Variants in TRAPPC10 observed in about 807,000 individuals in gnomAD.
TRAPPC10 encodes the protein TRAPP 130 kDa subunit.
Under a neutral mutation model 125.5 loss-of-function variants are expected in TRAPPC10, and 23 were observed. The observed-to-expected ratio is 0.18, with a 90% CI of 0.13 to 0.26. TRAPPC10 has a LOEUF of 0.26. TRAPPC10 is among the 10% of genes least tolerant of loss of function. TRAPPC10 has a pLI of 1.00. For missense variants in TRAPPC10, 1,123 were observed against 1,308.4 expected (o/e 0.86, Z 2.19); for synonymous variants, 509 against 518.0 (o/e 0.98, Z 0.24).
intron 7 of TRAPPC10, among the ~76,000 whole-genome samples, chr21:44,065,517 C>G (rs767606597): frequency 1.3e-5 from 2 of 152,186 alleles, no homozygotes; most frequent in Non-Finnish European, 2.9e-5. Context: ...TTCTGCATCT[C>G]CAGTGAGAGG....
intron 2 of TRAPPC10, among the ~76,000 whole-genome samples, chr21:44,033,003 C>G (rs949032512): frequency 1.3e-5 from 2 of 152,232 alleles, no homozygotes; most frequent in Non-Finnish European, 1.5e-5. Context: ...TGCTCTGTTG[C>G]ATGTTTACAG....
intron 3 of TRAPPC10, among the ~76,000 whole-genome samples, chr21:44,049,552 C>G (rs997249012): frequency 2.0e-5 from 3 of 152,184 alleles, no homozygotes; most frequent in Non-Finnish European, 2.9e-5. Flanking sequence ...TGGGGGATGC[C>G]CTTTGTGCCC....
chr21:44,085,571 C>T (rs1047594697), intron 15 of TRAPPC10, among the ~76,000 whole-genome samples: 1 of 152,058 alleles, frequency 6.6e-6, no homozygotes, highest in Non-Finnish European at 1.5e-5. Flanking sequence ...GCGCCACGGC[C>T]TCTAGTCCTA....
chr21:44,074,497 C>T, intron 8 of TRAPPC10, 27 bp downstream of exon 8: 2 of 1,613,450 alleles, frequency 1.2e-6, no homozygotes, highest in Non-Finnish European at 1.7e-6. Context: ...GTGTGGAATG[C>T]TCACGTTGTC....
At chr21:44,023,871 C>G (rs541638019) in intron 1 of TRAPPC10, among the ~76,000 whole-genome samples, 1 of 152,320 alleles carries the variant, frequency 6.6e-6, no homozygotes, top group East Asian at 1.9e-4. Flanking sequence ...CTCTGCCTCT[C>G]AGGTTCAAGA....
In TRAPPC10 at chr21:44,082,711, C is replaced by T; in HGVS notation, c.1724-77C>T. 3 of 1,527,534 alleles carry T rather than the reference C, an allele frequency of 2.0e-6. No homozygotes were observed. Among genetic ancestry groups the T allele is most frequent in the Admixed American group, 1.7e-5 (1 of 58,662 alleles). The allele number at this position is 1,527,534 out of a possible 1,614,324, so 94.6% of individuals were successfully genotyped here. A position where few individuals can be genotyped will look rare whatever the true frequency, so the allele number is the denominator to read the frequency against. ...CTTCAGTCTGCTCTCGGTGATCTTACTGTGTCCGCGGCCTGCTGCTGCTTA... is the reference window on the plus strand; with the variant it reads ...CTTCAGTCTGCTCTCGGTGATCTTATTGTGTCCGCGGCCTGCTGCTGCTTA... On this transcript the variant is annotated intron_variant, in intron 13 of 22. Coordinates refer to ENST00000291574, the MANE Select transcript of TRAPPC10 (RefSeq NM_003274.5). This position sits in a 1 kb window ranked among gnomAD's most constrained non-coding sequence, Gnocchi z 4.4.
rs1000244480 is a variant in TRAPPC10, at chr21:44,012,375, G to C, written c.-119G>C. On this transcript the variant is annotated 5_prime_UTR_variant, in exon 1 of 23. Coordinates refer to ENST00000291574, the MANE Select transcript of TRAPPC10 (RefSeq NM_003274.5). ...GGCAGCTGCGGCGCAACCGGCTCCG[G>C]AGCTGCCTGGCGCGGCCGGGCGGGC... 2 of 462,224 alleles carry C rather than the reference G, an allele frequency of 4.3e-6. No individual in the cohort carries two copies. Among genetic ancestry groups the C allele is most frequent in the South Asian group, 9.0e-5 (1 of 11,138 alleles). The allele number at this position is 462,224 out of a possible 1,614,324, so 28.6% of individuals were successfully genotyped here.
intron 3 of TRAPPC10, among the ~76,000 whole-genome samples, chr21:44,045,625 C>A (rs765501380): frequency 8.6e-5 from 13 of 151,424 alleles, no homozygotes; most frequent in Non-Finnish European, 1.6e-4. Flanking sequence ...AATCTCGGCT[C>A]ACTGCAACCT....
chr21:44,048,416 G>A (rs1421280428), intron 3 of TRAPPC10, among the ~76,000 whole-genome samples: 1 of 152,108 alleles, frequency 6.6e-6, no homozygotes, highest in African/African-American at 2.4e-5. Flanking sequence ...ATTGTCCTTT[G>A]TTCCTTGGTG....
intron 5 of TRAPPC10, among the ~76,000 whole-genome samples, chr21:44,058,461 A>G (rs957406441): frequency 2.0e-4 from 30 of 152,226 alleles, no homozygotes; most frequent in Non-Finnish European, 3.1e-4. Context: ...AGGATTTAGG[A>G]GTCTCTTGAA....
intron 7 of TRAPPC10, among the ~76,000 whole-genome samples, chr21:44,068,844 T>A (rs1236059022): frequency 2.6e-5 from 4 of 152,086 alleles, no homozygotes; most frequent in African/African-American, 9.7e-5. Flanking sequence ...GCAAGTGATC[T>A]ACCCTCCTCA....
chr21:44,084,160 C>G lies in TRAPPC10; in HGVS notation c.2277C>G (p.Cys759Trp). ...GAACGTATACACTCAGGCAGCTGTG[C>G]GCCTCGGTGGGCTCCGTGTGGTTCG... ...EPGTYTLRQL[C>W]ASVGSVWFVL... is the part of the protein sequence containing the mutation. The change falls in exon 15 of 23, where the codon TGC becomes TGG. Residue 759 changes from cysteine to tryptophan, a missense_variant. Physicochemically the swap from Cys to Trp is radical, Grantham distance 215. This residue lies in a region of TRAPPC10 where 840 missense variants were observed against 902.0 expected (regional missense o/e 0.93). Transcript: ENST00000291574. 1 of 1,614,204 alleles carries G rather than the reference C, an allele frequency of 6.2e-7. No homozygotes were observed. The highest frequency in any genetic ancestry group is 2.2e-5 in the East Asian group (1 of 44,874).
chr21:44,074,521 C>T lies in TRAPPC10; in HGVS notation c.1185+51C>T, dbSNP rs771966857. ...GCTCACGTTGTCTCTGCGGCCATGC[C>T]TGGGTGGCGGAGGAAGTCTGCTGTT... On this transcript the variant is annotated intron_variant, in intron 8 of 22. Coordinates refer to ENST00000291574, the MANE Select transcript of TRAPPC10 (RefSeq NM_003274.5). The T allele has an allele frequency of 1.9e-6, 3 of 1,609,602 alleles. No homozygotes were observed. The South Asian group carries it at 3.3e-5, about 18-fold the overall frequency.
At chr21:44,089,381 C>G (rs980556094) in intron 17 of TRAPPC10, 11 of 370,722 alleles carry the variant, frequency 3.0e-5, no homozygotes, top group African/African-American at 2.3e-4. Context: ...TATTCAGCCT[C>G]ACATGGATTA....
intron 1 of TRAPPC10, among the ~76,000 whole-genome samples, chr21:44,014,656 T>C (rs1271578070): frequency 6.6e-6 from 1 of 150,780 alleles, no homozygotes; most frequent in Non-Finnish European, 1.5e-5. Context: ...CTCGAACTCC[T>C]GACCTTGGGT....
At chr21:44,077,072 C>T (rs1216873121) in intron 10 of TRAPPC10, among the ~76,000 whole-genome samples, 1 of 152,142 alleles carries the variant, frequency 6.6e-6, no homozygotes, top group Non-Finnish European at 1.5e-5. Flanking sequence ...GTTTGGTCTG[C>T]CCGTAATGGC....
intron 3 of TRAPPC10, chr21:44,046,968 A>G: frequency 1.2e-6 from 1 of 838,458 alleles, no homozygotes; most frequent in South Asian, 1.3e-5. Context: ...GGGAACTGCA[A>G]GCCGGCTCTG....
At chr21:44,047,124 C>T (rs536163769) in intron 3 of TRAPPC10, 22 of 546,262 alleles carry the variant, frequency 4.0e-5, no homozygotes, top group Non-Finnish European at 5.9e-5. Context: ...CCTACTCCTT[C>T]GGCGCACTGT....
intron 10 of TRAPPC10, among the ~76,000 whole-genome samples, chr21:44,077,167 A>T (rs2037348790): frequency 6.6e-6 from 1 of 152,186 alleles, no homozygotes; most frequent in African/African-American, 2.4e-5. Context: ...GATGTTTTGG[A>T]TGAGTTTGTG....
Sources: gnomAD v4.1 joint callset for allele counts (sites outside exome capture counted in the v4.1 genomes callset) on GRCh38, gnomAD v4.1.1 for gene constraint, gnomAD v4.1.1 regional missense constraint, Gnocchi (gnomAD v3.1) non-coding constraint, MANE v1.5 for transcripts, NCBI Gene and HGNC (gene_info 2026-07-23, HGNC 2026-07-21) for gene names.